Variants in ELMO1 observed in about 807,000 individuals in gnomAD.
ELMO1 encodes engulfment and cell motility protein 1.
In ELMO1, 26 loss-of-function variants were observed where a neutral mutation model predicts 98.9. The observed-to-expected ratio is 0.26, with a 90% CI of 0.19 to 0.36. The LOEUF (loss-of-function observed/expected upper bound fraction) is 0.36. ELMO1 is among the 10% of genes least tolerant of loss of function. The pLI is 1.00. For missense variants in ELMO1, 627 were observed against 935.2 expected (o/e 0.67, Z 4.30); for synonymous variants, 346 against 346.0 (o/e 1.00, Z 0.00).
chr7:37,436,238 A>G (rs879471829), intron 1 of ELMO1, among the ~76,000 whole-genome samples: 1 of 152,206 alleles, frequency 6.6e-6, no homozygotes, highest in African/African-American at 2.4e-5. Context: ...ATTGGATTCT[A>G]TTTCAAGGTA....
intron 13 of ELMO1, among the ~76,000 whole-genome samples, chr7:37,180,359 G>GAT (rs1350677638): frequency 6.6e-6 from 1 of 152,156 alleles, no homozygotes; most frequent in African/African-American, 2.4e-5. Context: ...GGAGGGAGAT[G>GAT]ATATATAAGA....
At chr7:37,430,939 G>A (rs1804907530) in intron 1 of ELMO1, among the ~76,000 whole-genome samples, 1 of 152,164 alleles carries the variant, frequency 6.6e-6, no homozygotes, top group African/African-American at 2.4e-5. Flanking sequence ...GTGTCTAAGG[G>A]AACAAATGGG....
intron 13 of ELMO1, among the ~76,000 whole-genome samples, chr7:37,139,425 C>T (rs984649269): frequency 6.6e-6 from 1 of 152,136 alleles, no homozygotes; most frequent in African/African-American, 2.4e-5. Flanking sequence ...TATATACCAA[C>T]AGTGATCAAG....
At chr7:37,414,224 A>T (rs192856432) in intron 1 of ELMO1, among the ~76,000 whole-genome samples, 22 of 148,598 alleles carry the variant, frequency 1.5e-4, no homozygotes, top group South Asian at 1.3e-3. Flanking sequence ...GCCAACATCC[A>T]TATCTTATCA....
upstream of ELMO1, chr7:37,449,039 A>G (rs1044102942): frequency 2.0e-5 from 3 of 151,710 alleles, no homozygotes; most frequent in African/African-American, 7.3e-5. Flanking sequence ...GCGCCAGGAC[A>G]CTCGTGGTCT....
chr7:37,149,787 A>G (rs1217033911), intron 13 of ELMO1, among the ~76,000 whole-genome samples: 1 of 152,208 alleles, frequency 6.6e-6, no homozygotes, highest in African/African-American at 2.4e-5. Flanking sequence ...ACAAAGTTAA[A>G]AACTCCTTAA....
chr7:37,137,028 C>T (rs1894927), intron 13 of ELMO1, among the ~76,000 whole-genome samples: 1 of 152,118 alleles, frequency 6.6e-6, no homozygotes, highest in Non-Finnish European at 1.5e-5. Flanking sequence ...AGAGACTCAC[C>T]TAACACATAA....
intron 16 of ELMO1, among the ~76,000 whole-genome samples, chr7:36,918,167 C>T (rs1784855782): frequency 6.6e-6 from 1 of 151,832 alleles, no homozygotes; most frequent in Non-Finnish European, 1.5e-5. Context: ...TCTTGCATGG[C>T]CTTAGGGTGA....
intron 15 of ELMO1, among the ~76,000 whole-genome samples, chr7:37,021,408 C>T (rs766219928): frequency 1.1e-4 from 16 of 152,012 alleles, no homozygotes; most frequent in Non-Finnish European, 2.1e-4. Context: ...CATTGTTCAC[C>T]TTCCCTTGGG....
At chr7:37,046,405 C>T (rs1372240568) in intron 15 of ELMO1, among the ~76,000 whole-genome samples, 1 of 152,194 alleles carries the variant, frequency 6.6e-6, no homozygotes, top group Non-Finnish European at 1.5e-5. Flanking sequence ...AAAAAAAGCC[C>T]AGGCCTCTGC....
intron 4 of ELMO1, among the ~76,000 whole-genome samples, chr7:37,290,518 T>C (rs1211699645): frequency 6.6e-6 from 1 of 152,220 alleles, no homozygotes; most frequent in Non-Finnish European, 1.5e-5. Context: ...AAGAGCTATA[T>C]AAACAGCTAT....
chr7:37,107,442 C>G (rs1006981076), intron 14 of ELMO1, among the ~76,000 whole-genome samples: 1 of 152,128 alleles, frequency 6.6e-6, no homozygotes, highest in African/African-American at 2.4e-5. Flanking sequence ...CTGTGGAATG[C>G]AAGAAAGACT....
intron 13 of ELMO1, among the ~76,000 whole-genome samples, chr7:37,175,019 G>A (rs145495118): frequency 2.6e-5 from 4 of 152,066 alleles, no homozygotes; most frequent in Admixed American, 6.6e-5. Flanking sequence ...AATCAATGGC[G>A]AAGTGGGACC....
chr7:37,373,313 G>T (rs1802192392), intron 1 of ELMO1, among the ~76,000 whole-genome samples: 1 of 152,108 alleles, frequency 6.6e-6, no homozygotes, highest in Non-Finnish European at 1.5e-5. Flanking sequence ...TCCATTAAAA[G>T]AATTACAAGG....
intron 4 of ELMO1, among the ~76,000 whole-genome samples, chr7:37,305,274 C>T (rs1318330124): frequency 2.0e-5 from 3 of 152,124 alleles, no homozygotes; most frequent in Non-Finnish European, 4.4e-5. Context: ...TCTTAGAGGA[C>T]GTTATTTGCT....
intron 1 of ELMO1, among the ~76,000 whole-genome samples, chr7:37,442,117 A>C (rs569104300): frequency 6.6e-6 from 1 of 152,312 alleles, no homozygotes; most frequent in Admixed American, 6.5e-5. Flanking sequence ...CGACTAATGT[A>C]CTGGCATTAG....
At chr7:36,896,889 T>C (rs1402430457) in intron 16 of ELMO1, among the ~76,000 whole-genome samples, 1 of 152,202 alleles carries the variant, frequency 6.6e-6, no homozygotes, top group Non-Finnish European at 1.5e-5. Context: ...TCATTACTGT[T>C]TCCCAATGAT....
chr7:37,330,974 C>A (rs1047529709), intron 2 of ELMO1, among the ~76,000 whole-genome samples: 1 of 152,106 alleles, frequency 6.6e-6, no homozygotes, highest in African/African-American at 2.4e-5. Context: ...GTGTCTATAG[C>A]GTGCATATGC....
chr7:37,036,654 C>T (rs1463462403), intron 15 of ELMO1, among the ~76,000 whole-genome samples: 1 of 152,194 alleles, frequency 6.6e-6, no homozygotes, highest in East Asian at 1.9e-4. Flanking sequence ...GCTGGGATTA[C>T]AGGCATGAGC....
Sources: allele counts gnomAD v4.1 joint callset (sites outside exome capture counted in the v4.1 genomes callset), GRCh38; gene constraint gnomAD v4.1.1; transcripts MANE v1.5; gene names NCBI Gene and HGNC (gene_info 2026-07-23, HGNC 2026-07-21).